Variants in DKK2 observed in about 807,000 individuals in gnomAD.
DKK2 encodes the protein dickkopf Wnt signaling pathway inhibitor 2, also known as dickkopf-related protein 2.
Under a neutral mutation model 28.1 loss-of-function variants are expected in DKK2, and 11 were observed. That is an observed-to-expected ratio of 0.39 (90% CI 0.25 to 0.65). The LOEUF is 0.65. Ranked by LOEUF, DKK2 falls within the 30% of genes least tolerant of loss-of-function variation. The probability of loss-of-function intolerance (pLI) is 0.47; values close to 1 mark genes in which losing one functional copy is unlikely to be tolerated. For missense variants in DKK2, 326 were observed against 335.5 expected, an observed-to-expected ratio of 0.97 and a Z score of 0.22; for synonymous variants, 135 against 126.5, an observed-to-expected ratio of 1.07 and a Z score of -0.45.
rs370478050 is a variant in DKK2 at position 106,939,619 on chromosome 4, G to A, written c.223-13670C>T. Among the ~76,000 whole-genome samples the A allele has an allele frequency of 1.3e-4, 20 of 152,142 alleles. No individual in the cohort carries two copies. The South Asian group carries it at 3.3e-3, about 25-fold the overall frequency. Reference sequence around the variant, plus strand: ...ATTGGAAAAAACTACTTTCAAGTTCGTATGGAACCAAAAAAGAGCCCGCAT... The same window carrying A: ...ATTGGAAAAAACTACTTTCAAGTTCATATGGAACCAAAAAAGAGCCCGCAT... On this transcript the variant is annotated intron_variant, in intron 1 of 3. Coordinates refer to ENST00000285311, the MANE Select transcript of DKK2 (RefSeq NM_014421.3).
chr4:107,006,245 T>C (rs1435512565), intron 1 of DKK2, among the ~76,000 whole-genome samples: 2 of 152,172 alleles, frequency 1.3e-5, no homozygotes, highest in Non-Finnish European at 2.9e-5. Context: ...GCAAACCATT[T>C]TCATGTGTTA....
chr4:107,033,585 T>G (rs1205073916), intron 1 of DKK2, among the ~76,000 whole-genome samples: 5 of 152,108 alleles, frequency 3.3e-5, no homozygotes, highest in Admixed American at 1.3e-4. Flanking sequence ...GTTGGCCCAA[T>G]AGTGGAACAG....
At chr4:106,977,571 C>T (rs1722963550) in intron 1 of DKK2, among the ~76,000 whole-genome samples, 1 of 152,092 alleles carries the variant, frequency 6.6e-6, no homozygotes, top group Non-Finnish European at 1.5e-5. Context: ...AGTTCTCTTG[C>T]TGTGTTTTTC....
chr4:106,991,637 C>T (rs543533982), intron 1 of DKK2, among the ~76,000 whole-genome samples: 1 of 152,304 alleles, frequency 6.6e-6, no homozygotes, highest in Admixed American at 6.5e-5. Flanking sequence ...CTCCAGAACA[C>T]AGGCCCAATT....
intron 1 of DKK2, among the ~76,000 whole-genome samples, chr4:106,944,163 G>A (rs999570343): frequency 6.6e-6 from 1 of 151,978 alleles, no homozygotes; most frequent in African/African-American, 2.4e-5. Context: ...ATACACTTTA[G>A]TCACAGCAAT....
intron 1 of DKK2, among the ~76,000 whole-genome samples, chr4:107,009,694 G>A (rs915920473): frequency 2.0e-5 from 3 of 151,700 alleles, no homozygotes; most frequent in Non-Finnish European, 4.4e-5. Context: ...GGAGGGCAAA[G>A]GGACAGCAAT....
Position 107,035,850 on chromosome 4 carries a change from G to T in DKK2, c.-259C>A. On this transcript the variant is annotated 5_prime_UTR_variant, in exon 1 of 4. Coordinates refer to ENST00000285311, the MANE Select transcript of DKK2 (RefSeq NM_014421.3). ...GCAATAACTGGAAGCAATCAAATGC[G>T]AGGCGCTTTCTCGCCAAGGAGGCGT... The T allele has an allele frequency of 1.9e-6, 1 of 532,084 alleles. No individual in the cohort carries two copies. The highest frequency in any genetic ancestry group is 2.3e-5 in the South Asian group (1 of 44,316). 33.0% of individuals were successfully genotyped at this position (532,084 alleles called of 1,614,324 possible).
At chr4:106,964,594 T>C (rs1046503006) in intron 1 of DKK2, among the ~76,000 whole-genome samples, 4 of 152,200 alleles carry the variant, frequency 2.6e-5, no homozygotes, top group African/African-American at 7.2e-5. Context: ...ATATATTATA[T>C]GCTTGTATCA....
chr4:107,022,719 T>C (rs150998747), intron 1 of DKK2, among the ~76,000 whole-genome samples: 128 of 152,236 alleles, frequency 8.4e-4, no homozygotes, highest in Middle Eastern at 3.4e-3. Flanking sequence ...TACAATATTG[T>C]AGTAATCTAT....
intron 1 of DKK2, among the ~76,000 whole-genome samples, chr4:106,934,891 A>C (rs1036055490): frequency 6.6e-5 from 10 of 152,224 alleles, no homozygotes; most frequent in African/African-American, 2.4e-4. Flanking sequence ...TTGCTTAAAA[A>C]TTATAAAATG....
intron 1 of DKK2, among the ~76,000 whole-genome samples, chr4:107,006,124 A>C (rs1320353241): frequency 6.6e-6 from 1 of 152,240 alleles, no homozygotes; most frequent in Non-Finnish European, 1.5e-5. Context: ...CTAGAAAGCA[A>C]TCAAAATGCT....
intron 1 of DKK2, among the ~76,000 whole-genome samples, chr4:106,968,228 G>C (rs555398497): frequency 6.6e-6 from 1 of 152,188 alleles, no homozygotes; most frequent in Non-Finnish European, 1.5e-5. Flanking sequence ...AAACATCAGA[G>C]AGTGAGACAC....
intron 1 of DKK2, among the ~76,000 whole-genome samples, chr4:106,981,275 T>C (rs910852694): frequency 6.6e-6 from 1 of 152,132 alleles, no homozygotes; most frequent in Non-Finnish European, 1.5e-5. Flanking sequence ...ATTGACACAA[T>C]ATGCAAATAA....
chr4:106,936,723 C>T (rs1047384066), intron 1 of DKK2, among the ~76,000 whole-genome samples: 9 of 152,126 alleles, frequency 5.9e-5, no homozygotes, highest in Non-Finnish European at 1.0e-4. Flanking sequence ...AGAGAAAGGT[C>T]GGGTTACCCA....
chr4:106,942,008 C>A (rs1293565926), intron 1 of DKK2, among the ~76,000 whole-genome samples: 1 of 152,052 alleles, frequency 6.6e-6, no homozygotes, highest in East Asian at 1.9e-4. Flanking sequence ...AAGGTCAGCT[C>A]ACAAGGGCAA....
intron 1 of DKK2, among the ~76,000 whole-genome samples, chr4:106,992,741 T>G (rs1723221799): frequency 6.6e-6 from 1 of 152,200 alleles, no homozygotes; most frequent in African/African-American, 2.4e-5. Context: ...ATTCTAATGT[T>G]CTGGGGGCAG....
chr4:106,935,983 G>A (rs1239703092), intron 1 of DKK2, among the ~76,000 whole-genome samples: 1 of 151,902 alleles, frequency 6.6e-6, no homozygotes, highest in Non-Finnish European at 1.5e-5. Context: ...CATCATCAAA[G>A]ACCAAAAGTA....
At chr4:107,013,875 C>G (rs1034114688) in intron 1 of DKK2, among the ~76,000 whole-genome samples, 1 of 151,334 alleles carries the variant, frequency 6.6e-6, no homozygotes, top group African/African-American at 2.4e-5. Flanking sequence ...TAAAAATGGG[C>G]AAAAGACTTT....
Position 106,999,982 on chromosome 4 carries a change from C to G in DKK2, c.222+35388G>C, listed in dbSNP as rs1723336529. Among the ~76,000 whole-genome samples, 3 of 151,736 alleles carry G rather than the reference C, an allele frequency of 2.0e-5. 1 individual carries two copies. The highest frequency in any genetic ancestry group is 1.3e-4 in the Admixed American group (2 of 15,244). ...AAATGTGATAATGAAATACGTAATACAAAAAGAAGTATAGAAAGATGTGAT... is the reference window on the plus strand; with the variant it reads ...AAATGTGATAATGAAATACGTAATAGAAAAAGAAGTATAGAAAGATGTGAT... On this transcript the variant is annotated intron_variant, in intron 1 of 3. Transcript: ENST00000285311.
Sources: gnomAD v4.1 joint callset for allele counts (sites outside exome capture counted in the v4.1 genomes callset) on GRCh38, gnomAD v4.1.1 for gene constraint, MANE v1.5 for transcripts, NCBI Gene and HGNC (gene_info 2026-07-23, HGNC 2026-07-21) for gene names.